Variants in FLRT1 observed in about 807,000 individuals in gnomAD.
FLRT1 encodes fibronectin leucine rich transmembrane protein 1.
Under a neutral mutation model 30.9 loss-of-function variants are expected in FLRT1, and 14 were observed. The ratio of observed to expected loss-of-function variants is 0.45; its 90% confidence interval spans 0.30 to 0.71. The LOEUF (loss-of-function observed/expected upper bound fraction) is 0.71. FLRT1 is among the 30% of genes least tolerant of loss of function. FLRT1 has a pLI of 0.08. For synonymous variants in FLRT1, 368 were observed against 430.4 expected (o/e 0.85, Z 1.80); for missense variants, 737 against 949.2 (o/e 0.78, Z 2.94).
At chr11:64,081,389 T>C (rs1944300774) in intron 1 of FLRT1, among the ~76,000 whole-genome samples, 1 of 152,122 alleles carries the variant, frequency 6.6e-6, no homozygotes. Flanking sequence ...GTGCTGGGCG[T>C]GCTCAGGGAC....
chr11:64,089,885 G>C (rs551338345), intron 1 of FLRT1, among the ~76,000 whole-genome samples: 62 of 152,332 alleles, frequency 4.1e-4, no homozygotes, highest in African/African-American at 1.5e-3. Context: ...GACCAGCTCT[G>C]CCCTGTGTGA....
At position 64,080,708 on chromosome 11, in the gene FLRT1, C is replaced by T. The variant is rs563533435; in HGVS notation, c.-1037-22486C>T. On this transcript the variant is annotated intron_variant, in intron 1 of 2. Coordinates refer to ENST00000682287, the MANE Select transcript of FLRT1 (RefSeq NM_013280.5). ...ACTGAGGACCTCTCAGACCCAGGAC[C>T]GGGGAAGGAGGACGTGCAGAGGGGA... Among the ~76,000 whole-genome samples the T allele has an allele frequency of 4.6e-5, 7 of 152,288 alleles. No individual in the cohort carries two copies. In the South Asian group the frequency reaches 1.2e-3, roughly 27 times the overall value.
At chr11:64,108,601 T>A (rs1944805001) in intron 2 of FLRT1, among the ~76,000 whole-genome samples, 1 of 152,222 alleles carries the variant, frequency 6.6e-6, no homozygotes, top group African/African-American at 2.4e-5. Flanking sequence ...GAGCTGGAGA[T>A]GATTGTGCCT....
In FLRT1 at chr11:64,118,503, A is replaced by G. The variant is rs1945038718; in HGVS notation, c.*211A>G. On this transcript the variant is annotated 3_prime_UTR_variant, in exon 3 of 3. Coordinates refer to ENST00000682287, the MANE Select transcript of FLRT1 (RefSeq NM_013280.5). ...AAAAGAATAGAAGGCAGGAGGGGGA[A>G]TTCGACATTGTTGAAGACATAATTT... The G allele has an allele frequency of 2.0e-6, 1 of 497,426 alleles. No homozygotes were observed. Among genetic ancestry groups the G allele is most frequent in the South Asian group, 6.4e-5 (1 of 15,656 alleles). 30.8% of individuals were successfully genotyped at this position (497,426 alleles called of 1,614,324 possible).
intron 1 of FLRT1, among the ~76,000 whole-genome samples, chr11:64,085,963 C>T (rs1463964937): frequency 1.3e-5 from 2 of 151,914 alleles, no homozygotes; most frequent in African/African-American, 4.8e-5. Flanking sequence ...CCAGCCCCTG[C>T]CTCAGCAGAT....
chr11:64,102,361 C>CTGACCCCCCACCTAGGAAGTGGGG (rs1439674610), intron 1 of FLRT1, among the ~76,000 whole-genome samples: 1 of 146,094 alleles, frequency 6.8e-6, no homozygotes, highest in Non-Finnish European at 1.5e-5. Context: ...GTGTTGAGGA[C>CTGACCCCCCACCTAGGAAGTGGGG]TGACCCCCCA....
rs1943953430 is a variant in FLRT1, at chr11:64,064,136, C to G, written c.-1038+27977C>G. Reference sequence around the variant, plus strand: ...CAAGCCCCTCGGTCTCTCCCACTCTCCCTTTCAGCATCTTCTCTCTCTTGT... The same window carrying G: ...CAAGCCCCTCGGTCTCTCCCACTCTGCCTTTCAGCATCTTCTCTCTCTTGT... On this transcript the variant is annotated intron_variant, in intron 1 of 2. Coordinates refer to ENST00000682287, the MANE Select transcript of FLRT1 (RefSeq NM_013280.5). The surrounding 1 kb of genome is among the most constrained non-coding windows in gnomAD (Gnocchi z 4.5). 6.6e-6 allele frequency among the ~76,000 whole-genome samples: 1 copy of G among 152,202 alleles called. No homozygotes were observed. Among genetic ancestry groups the G allele is most frequent in the Non-Finnish European group, 1.5e-5 (1 of 68,040 alleles).
chr11:64,099,027 G>A (rs1000087954), intron 1 of FLRT1, among the ~76,000 whole-genome samples: 8 of 152,256 alleles, frequency 5.3e-5, no homozygotes, highest in African/African-American at 1.4e-4. Context: ...CCTGAGGATC[G>A]TTTCTACTTC....
chr11:64,083,659 C>T lies in FLRT1; in HGVS notation c.-1037-19535C>T, dbSNP rs994247857. ...ATGAGAGGCCGCAGTGAGATGCCAACGCCGGGTCAGAGCTAGGACCTGGTT... is the reference window on the plus strand; with the variant it reads ...ATGAGAGGCCGCAGTGAGATGCCAATGCCGGGTCAGAGCTAGGACCTGGTT... On this transcript the variant is annotated intron_variant, in intron 1 of 2. Coordinates refer to ENST00000682287, the MANE Select transcript of FLRT1 (RefSeq NM_013280.5). Among the ~76,000 whole-genome samples the T allele has an allele frequency of 5.9e-5, 9 of 152,316 alleles. No individual in the cohort carries two copies. In the East Asian group the frequency reaches 1.2e-3, roughly 20 times the overall value.
intron 1 of FLRT1, among the ~76,000 whole-genome samples, chr11:64,041,629 G>A (rs897750951): frequency 5.3e-5 from 8 of 152,256 alleles, no homozygotes; most frequent in East Asian, 1.9e-4. Flanking sequence ...CCGAATGACC[G>A]CCTCGGGAGC....
chr11:64,100,350 G>A (rs929780632), intron 1 of FLRT1, among the ~76,000 whole-genome samples: 5 of 152,206 alleles, frequency 3.3e-5, no homozygotes, highest in Non-Finnish European at 7.3e-5. Context: ...GACAACAAAA[G>A]TAGAAAATTG....
chr11:64,091,811 C>G (rs1944495961), intron 1 of FLRT1, among the ~76,000 whole-genome samples: 1 of 152,188 alleles, frequency 6.6e-6, no homozygotes, highest in African/African-American at 2.4e-5. Context: ...GGCCACTACC[C>G]CAGTCCCCCA....
At chr11:64,073,324 C>T (rs1375326228) in intron 1 of FLRT1, among the ~76,000 whole-genome samples, 1 of 152,232 alleles carries the variant, frequency 6.6e-6, no homozygotes, top group Non-Finnish European at 1.5e-5. Context: ...CCAGCAGACT[C>T]CCACTCCCCC....
intron 1 of FLRT1, among the ~76,000 whole-genome samples, chr11:64,052,336 A>G (rs1476764679): frequency 6.6e-6 from 1 of 152,144 alleles, no homozygotes; most frequent in Non-Finnish European, 1.5e-5. Flanking sequence ...GTGACCCTGG[A>G]AAGAGTTTTT....
chr11:64,088,271 G>A (rs548761145), intron 1 of FLRT1, among the ~76,000 whole-genome samples: 3 of 152,308 alleles, frequency 2.0e-5, no homozygotes, highest in Non-Finnish European at 4.4e-5. Flanking sequence ...CAGGGGAGCC[G>A]TAGCCAGGAG....
At chr11:64,053,906 C>G (rs948943238) in intron 1 of FLRT1, among the ~76,000 whole-genome samples, 2 of 152,078 alleles carry the variant, frequency 1.3e-5, no homozygotes, top group African/African-American at 4.8e-5. Flanking sequence ...TTCCGTCATC[C>G]CCCCCACCAC....
At chr11:64,091,637 G>A (rs1234477132) in intron 1 of FLRT1, among the ~76,000 whole-genome samples, 2 of 152,234 alleles carry the variant, frequency 1.3e-5, no homozygotes, top group Non-Finnish European at 2.9e-5. Context: ...CCCCCCATCC[G>A]ACAGATAAGG....
chr11:64,109,303 G>A (rs529322934), intron 2 of FLRT1, among the ~76,000 whole-genome samples: 1 of 152,316 alleles, frequency 6.6e-6, no homozygotes, highest in Non-Finnish European at 1.5e-5. Context: ...ACCACGAGGG[G>A]TGGGGAAGAA....
chr11:64,060,667 G>C (rs1327609825), intron 1 of FLRT1: 6 of 148,072 alleles, frequency 4.1e-5, no homozygotes, highest in African/African-American at 5.2e-5. Context: ...GTCTGTCTGC[G>C]CTTCTCTTTA....
Sources: allele counts gnomAD v4.1 joint callset (sites outside exome capture counted in the v4.1 genomes callset), GRCh38; gene constraint gnomAD v4.1.1; non-coding constraint Gnocchi (gnomAD v3.1); transcripts MANE v1.5; gene names NCBI Gene and HGNC (gene_info 2026-07-23, HGNC 2026-07-21).